HIPK3: variants seen among roughly 807,000 people sequenced by gnomAD.
The protein encoded by HIPK3 is homeodomain-interacting protein kinase 3.
Under a neutral mutation model 124.2 loss-of-function variants are expected in HIPK3, and 47 were observed. The observed-to-expected ratio is 0.38, with a 90% confidence interval of 0.30 to 0.48. HIPK3 has a LOEUF of 0.48. Ranked by LOEUF, HIPK3 falls within the 20% of genes least tolerant of loss-of-function variation. The probability of loss-of-function intolerance (pLI) is 0.98; values close to 1 mark genes in which losing one functional copy is unlikely to be tolerated. For missense variants in HIPK3, 1,286 were observed against 1,454.3 expected, an observed-to-expected ratio of 0.88 and a Z score of 1.88; for synonymous variants, 482 against 515.2, an observed-to-expected ratio of 0.94 and a Z score of 0.87.
At chr11:33,314,136 A>G (rs1852427106) in intron 2 of HIPK3, among the ~76,000 whole-genome samples, 1 of 152,182 alleles carries the variant, frequency 6.6e-6, no homozygotes, top group East Asian at 1.9e-4. Flanking sequence ...AATGCATTTA[A>G]TAGTTCATAA....
At chr11:33,304,719 T>G (rs1348164072) in intron 2 of HIPK3, among the ~76,000 whole-genome samples, 1 of 152,244 alleles carries the variant, frequency 6.6e-6, no homozygotes, top group Non-Finnish European at 1.5e-5. Context: ...TGATACACAT[T>G]CAGTTTTTTG....
chr11:33,328,995 G>T lies in HIPK3; in HGVS notation c.1221+362G>T, dbSNP rs191776602. 1.1e-4 allele frequency among the ~76,000 whole-genome samples: 17 copies of T among 152,220 alleles called. No individual in the cohort carries two copies. In the East Asian group the frequency reaches 3.1e-3, roughly 28 times the overall value. ...CAAGGCATAAAAGCTCCTAAAAGGC[G>T]TTATAACTTTTGGTCTTAAACCAAC... On this transcript the variant is annotated intron_variant, in intron 3 of 16. Transcript: ENST00000303296.
At chr11:33,271,260 C>G (rs1404838424) in intron 1 of HIPK3, among the ~76,000 whole-genome samples, 1 of 152,112 alleles carries the variant, frequency 6.6e-6, no homozygotes. Context: ...GAGATTCTAT[C>G]TAGTTTCTTG....
chr11:33,280,137 C>A (rs1487102795), intron 1 of HIPK3, among the ~76,000 whole-genome samples: 1 of 152,100 alleles, frequency 6.6e-6, no homozygotes. Flanking sequence ...TCTTCACTAT[C>A]CTCTGAGTAA....
intron 1 of HIPK3, among the ~76,000 whole-genome samples, chr11:33,264,016 C>T (rs1351431887): frequency 1.3e-5 from 2 of 152,166 alleles, no homozygotes; most frequent in Non-Finnish European, 2.9e-5. Flanking sequence ...AACTAAGATA[C>T]ATCATGTATG....
intron 2 of HIPK3, among the ~76,000 whole-genome samples, chr11:33,326,502 C>T (rs897222512): frequency 8.5e-5 from 13 of 152,128 alleles, no homozygotes; most frequent in Non-Finnish European, 1.3e-4. Context: ...CTATTCTATA[C>T]GAAAAGATAC....
intron 2 of HIPK3, among the ~76,000 whole-genome samples, chr11:33,297,349 C>T (rs554549859): frequency 2.0e-5 from 3 of 152,324 alleles, no homozygotes; most frequent in Admixed American, 1.3e-4. Context: ...CCAACTTGGC[C>T]TCCCAGAGAG....
chr11:33,272,768 C>CCCTCCTGCCTCCCACCCTT (rs1851163537), intron 1 of HIPK3, among the ~76,000 whole-genome samples: 1 of 75,374 alleles, frequency 1.3e-5, no homozygotes, highest in Non-Finnish European at 2.7e-5. Context: ...CTCCCTCCCT[C>CCCTCCTGCCTCCCACCCTT]CCTCCTCCCT....
intron 13 of HIPK3, 57 bp from the exon 14 acceptor site, chr11:33,349,090 A>G (rs1440359739): frequency 4.6e-6 from 7 of 1,528,632 alleles, no homozygotes; most frequent in Admixed American, 1.9e-5. Flanking sequence ...AATTTTGGCT[A>G]TTTGGAGAGT....
Position 33,341,656 on chromosome 11 carries a change from A to G in HIPK3, c.1867A>G (p.Thr623Ala), listed in dbSNP as rs1479647948. The change falls in exon 8 of 17, where the codon ACA becomes GCA. Residue 623 changes from threonine to alanine, a missense_variant. Thr to Ala is a moderately conservative substitution (Grantham distance 58, BLOSUM62 0). Transcript: ENST00000303296. Reference protein sequence around the residue: ...QFGCGDAFQQTLIICPPAIQG... With the variant: ...QFGCGDAFQQALIICPPAIQG... ...TGGTTGTGGTGATGCTTTTCAGCAG[A>G]CATTGATTATCTGTCCCCCAGCTAT... is the stretch of plus-strand genomic sequence containing the variant. 1 of 1,613,402 alleles carries G rather than the reference A, an allele frequency of 6.2e-7. No homozygotes were observed. The highest frequency in any genetic ancestry group is 2.2e-5 in the East Asian group (1 of 44,868).
chr11:33,294,733 G>A (rs191754480), intron 2 of HIPK3, among the ~76,000 whole-genome samples: 140 of 152,260 alleles, frequency 9.2e-4, no homozygotes, highest in African/African-American at 3.3e-3. Context: ...CACCTCCTGA[G>A]TAGCTGGGAC....
intron 2 of HIPK3, among the ~76,000 whole-genome samples, chr11:33,318,454 A>G (rs1023193463): frequency 4.6e-5 from 7 of 152,188 alleles, no homozygotes; most frequent in South Asian, 4.1e-4. Context: ...AGTTCTAACT[A>G]TACCTCTTAC....
At position 33,290,638 on chromosome 11, in the gene HIPK3, G is replaced by C. The variant is rs1367301837; in HGVS notation, c.1097+3127G>C. 5.8e-5 allele frequency among the ~76,000 whole-genome samples: 7 copies of C among 121,016 alleles called. 1 individual carries two copies. 79.4% of individuals were successfully genotyped at this position (121,016 alleles called of 152,430 possible). ...TTTTCCACTAGAGTTAAAAAAAAAA[G>C]TCTTTTTTTTTTTTAATACTTGAGA... is the stretch of plus-strand genomic sequence containing the variant. On this transcript the variant is annotated intron_variant, in intron 2 of 16. Transcript: ENST00000303296.
In HIPK3 at chr11:33,316,051, C is replaced by T. The variant is rs544810451; in HGVS notation, c.1098-12459C>T. On this transcript the variant is annotated intron_variant, in intron 2 of 16. Coordinates refer to ENST00000303296, the MANE Select transcript of HIPK3 (RefSeq NM_005734.5). The stretch of plus-strand genomic sequence containing the variant: ...CATGTAATCACAACATGGATAGTTG[C>T]GGTTATAGAGTCATAAAAACAATCT... 1.3e-3 allele frequency among the ~76,000 whole-genome samples: 202 copies of T among 152,152 alleles called. 1 individual carries two copies. Among genetic ancestry groups the T allele is most frequent in the Non-Finnish European group, 2.2e-3 (151 of 68,000 alleles).
At chr11:33,302,898 A>G (rs910872129) in intron 2 of HIPK3, among the ~76,000 whole-genome samples, 1 of 152,202 alleles carries the variant, frequency 6.6e-6, no homozygotes, top group African/African-American at 2.4e-5. Flanking sequence ...GTAAGACAGT[A>G]ATACATAGAT....
At chr11:33,349,330 A>G (rs375542884) in intron 14 of HIPK3, 43 bp downstream of exon 14, 39 of 1,519,130 alleles carry the variant, frequency 2.6e-5, no homozygotes, top group Non-Finnish European at 3.5e-5. Context: ...TAGTAAGTCT[A>G]CTAAAAAGCC....
Position 33,300,171 on chromosome 11 carries a change from C to G in HIPK3, c.1097+12660C>G, listed in dbSNP as rs112920674. Among the ~76,000 whole-genome samples, 369 of 152,108 alleles carry G rather than the reference C, an allele frequency of 2.4e-3. 1 individual carries two copies. Among genetic ancestry groups the G allele is most frequent in the African/African-American group, 8.3e-3 (346 of 41,492 alleles). Reference sequence around the variant, plus strand: ...CCTGGCCAACATGGCGAAACCCTGTCTCTACTTCTACTAAAAATACAAAAA... The same window carrying G: ...CCTGGCCAACATGGCGAAACCCTGTGTCTACTTCTACTAAAAATACAAAAA... On this transcript the variant is annotated intron_variant, in intron 2 of 16. Transcript: ENST00000303296.
At chr11:33,349,103 CT>C in intron 13 of HIPK3, 43 bp from the exon 14 acceptor site, 1 of 1,578,986 alleles carries the variant, frequency 6.3e-7, no homozygotes, top group Non-Finnish European at 8.6e-7. Flanking sequence ...TGGAGAGTAT[CT>C]TCTTGTATTT....
At chr11:33,346,688 A>G (rs1853503196) in intron 8 of HIPK3, among the ~76,000 whole-genome samples, 1 of 152,260 alleles carries the variant, frequency 6.6e-6, no homozygotes, top group Non-Finnish European at 1.5e-5. Context: ...AAAGGAAAAT[A>G]AAGCTTCAAT....
Sources: allele counts gnomAD v4.1 joint callset (sites outside exome capture counted in the v4.1 genomes callset), GRCh38; gene constraint gnomAD v4.1.1; transcripts MANE v1.5; gene names NCBI Gene and HGNC (gene_info 2026-07-23, HGNC 2026-07-21).